NLRP14: variants seen among roughly 807,000 people sequenced by gnomAD.
The protein encoded by NLRP14 is NLR family pyrin domain containing 14, also known as NACHT, LRR and PYD domains-containing protein 14.
In NLRP14, 105 loss-of-function variants were observed where a neutral mutation model predicts 94.7. The ratio of observed to expected loss-of-function variants is 1.11; its 90% CI spans 0.95 to 1.30. The LOEUF (loss-of-function observed/expected upper bound fraction) is 1.30. Ranked by LOEUF, NLRP14 falls within the 50% of genes most tolerant of loss-of-function variation. NLRP14 has a pLI of 0.00. For missense variants in NLRP14, 1,362 were observed against 1,254.1 expected (o/e 1.09, Z -1.30); for synonymous variants, 508 against 459.9 (o/e 1.10, Z -1.34).
chr11:7,070,286 G>T lies in NLRP14; in HGVS notation c.2976G>T (p.Gly992=). The change falls in exon 11 of 12, where the codon GGG becomes GGT. Residue 992 remains glycine, a splice_region_variant and synonymous_variant. Transcript: ENST00000299481. Reference sequence around the variant, plus strand: ...TATCTTTTGTCTCTCTTCTCTACAGGTTGGAATACTGTGGTTTGACATCTC... The same window carrying T: ...TATCTTTTGTCTCTCTTCTCTACAGTTTGGAATACTGTGGTTTGACATCTC... ...RYPNCNIQRL[G]LEYCGLTSLC... 1 of 1,606,174 alleles carries T rather than the reference G, an allele frequency of 6.2e-7. No individual in the cohort carries two copies. The highest frequency in any genetic ancestry group is 8.5e-7 in the Non-Finnish European group (1 of 1,173,408).
At chr11:7,074,889 T>A (rs149224574), downstream of NLRP14, among the ~76,000 whole-genome samples, 12 of 152,274 alleles carry the variant, frequency 7.9e-5, no homozygotes, top group East Asian at 2.3e-3. Flanking sequence ...GCCCAGTAAA[T>A]CTACATTTTA....
chr11:7,068,566 G>A (rs1211327821), intron 10 of NLRP14, among the ~76,000 whole-genome samples: 1 of 152,150 alleles, frequency 6.6e-6, no homozygotes, highest in Non-Finnish European at 1.5e-5. Context: ...AGAACATACT[G>A]TGCATGAGTA....
At chr11:7,067,675 T>C (rs1167605630) in intron 10 of NLRP14, among the ~76,000 whole-genome samples, 1 of 152,200 alleles carries the variant, frequency 6.6e-6, no homozygotes, top group Non-Finnish European at 1.5e-5. Context: ...TGGACATATC[T>C]CCTGTGTACA....
At chr11:7,033,053 A>G (rs77221529) in intron 1 of NLRP14, among the ~76,000 whole-genome samples, 2 of 152,118 alleles carry the variant, frequency 1.3e-5, no homozygotes, top group Non-Finnish European at 2.9e-5. Flanking sequence ...TTCTTCCACT[A>G]GTTATGAGAT....
intron 6 of NLRP14, among the ~76,000 whole-genome samples, chr11:7,053,777 G>A (rs895161758): frequency 9.2e-5 from 14 of 151,942 alleles, no homozygotes; most frequent in Admixed American, 3.3e-4. Context: ...ATCACCTCAC[G>A]CATTTATTTA....
chr11:7,049,173 A>C (rs1852403472), intron 5 of NLRP14, among the ~76,000 whole-genome samples: 1 of 152,152 alleles, frequency 6.6e-6, no homozygotes. Flanking sequence ...GTAGGAAAAA[A>C]ATTGGCAGAT....
At chr11:7,080,143 C>T in the NLRP14 span, among the ~76,000 whole-genome samples, 1 of 152,164 alleles carries the variant, frequency 6.6e-6, no homozygotes, top group Non-Finnish European at 1.5e-5. Flanking sequence ...TATTTAACAA[C>T]TTGGCAACTG....
the NLRP14 span, among the ~76,000 whole-genome samples, chr11:7,081,378 A>G: frequency 6.6e-6 from 1 of 152,148 alleles, no homozygotes; most frequent in Non-Finnish European, 1.5e-5. Flanking sequence ...TGACTGCAAG[A>G]TAGTATCACC....
In NLRP14 at chr11:7,043,001, A is replaced by G. The variant is rs773877418; in HGVS notation, c.975A>G (p.Val325=). 2 of 1,614,194 alleles carry G rather than the reference A, an allele frequency of 1.2e-6. No individual in the cohort carries two copies. The highest frequency in any genetic ancestry group is 1.7e-6 in the Non-Finnish European group (2 of 1,180,012). The change falls in exon 4 of 12, where the codon GTA becomes GTG. Residue 325 remains valine, a synonymous_variant. Transcript: ENST00000299481. ...AGTTGTTGAAGAATCACCATTATGT[A>G]GAGCTACTAGGAATGTCTGAGGATG... is the stretch of plus-strand genomic sequence containing the variant. ...LKQLLKNHHY[V]ELLGMSEDAR...
Position 7,071,172 on chromosome 11 carries a change from G to T in NLRP14, c.3147-1G>T. ...AAAGAGATGTTCCCTTGTTTTCTCA[G>T]GTTGTGCAAAGAGGCATTTGATGAG... On this transcript the variant is annotated splice_acceptor_variant, in intron 11 of 11. Transcript: ENST00000299481. LOFTEE classifies it high-confidence loss of function. 1 of 1,613,976 alleles carries T rather than the reference G, an allele frequency of 6.2e-7. No individual in the cohort carries two copies. The highest frequency in any genetic ancestry group is 8.5e-7 in the Non-Finnish European group (1 of 1,179,978).
rs200574634 is a variant in NLRP14 at position 7,043,329 on chromosome 11, A to T, written c.1303A>T (p.Ile435Leu). The change falls in exon 4 of 12, where the codon ATA (isoleucine) becomes TTA (leucine). Residue 435 changes from isoleucine (I) to leucine (L), a missense_variant. Physicochemically the swap from Ile to Leu is conservative, Grantham distance 5 (BLOSUM62 2). Coordinates refer to ENST00000299481, the MANE Select transcript of NLRP14 (RefSeq NM_176822.4). ...RRLCQVAAKG[I>L]WTMTYVFYRE... is the part of the protein sequence containing the mutation. ...ACTGTGCCAAGTCGCTGCCAAAGGA[A>T]TATGGACTATGACTTACGTGTTTTA... 128 of 1,614,184 alleles carry T rather than the reference A, an allele frequency of 7.9e-5. 1 individual carries two copies. The highest frequency in any genetic ancestry group is 3.3e-4 in the Middle Eastern group (2 of 6,062).
intron 1 of NLRP14, among the ~76,000 whole-genome samples, chr11:7,027,572 A>G (rs980410938): frequency 2.6e-5 from 4 of 152,166 alleles, no homozygotes; most frequent in African/African-American, 9.6e-5. Context: ...TTGGGAGGAC[A>G]CATGTAGTCT....
At chr11:7,059,447 C>CTT (rs1852576655) in intron 8 of NLRP14, among the ~76,000 whole-genome samples, 1 of 151,738 alleles carries the variant, frequency 6.6e-6, no homozygotes, top group Non-Finnish European at 1.5e-5. Context: ...TGTTATAAGG[C>CTT]TTAAACTTAT....
downstream of NLRP14, among the ~76,000 whole-genome samples, chr11:7,074,250 T>C (rs1482013269): frequency 6.6e-6 from 1 of 152,204 alleles, no homozygotes; most frequent in Non-Finnish European, 1.5e-5. Flanking sequence ...CAAGTAATGT[T>C]ACTGGTGCTG....
At chr11:7,056,515 C>CAAAAA (rs60703550) in intron 6 of NLRP14, among the ~76,000 whole-genome samples, 4 of 122,856 alleles carry the variant, frequency 3.3e-5, no homozygotes, top group East Asian at 2.4e-4. Flanking sequence ...AGCACTAATA[C>CAAAAA]AAAAAAAAAA....
the NLRP14 span, chr11:7,089,860 G>C: frequency 1.9e-6 from 3 of 1,612,436 alleles, no homozygotes; most frequent in East Asian, 2.2e-5. Flanking sequence ...GGCCACTCCA[G>C]TGTCCGGGAC....
intron 1 of NLRP14, among the ~76,000 whole-genome samples, chr11:7,027,056 T>A (rs1011470886): frequency 6.6e-6 from 1 of 152,022 alleles, no homozygotes; most frequent in African/African-American, 2.4e-5. Context: ...AGTGCCCCTT[T>A]TTAGCTAGAA....
downstream of NLRP14, among the ~76,000 whole-genome samples, chr11:7,075,808 G>T (rs1322192907): frequency 6.6e-6 from 1 of 152,130 alleles, no homozygotes; most frequent in East Asian, 1.9e-4. Context: ...AGACCTCCTT[G>T]ATGGCACCCA....
intron 10 of NLRP14, among the ~76,000 whole-genome samples, chr11:7,064,072 A>G (rs1272076113): frequency 6.6e-6 from 1 of 152,168 alleles, no homozygotes; most frequent in African/African-American, 2.4e-5. Context: ...TTGGTTAGCC[A>G]TTGCACTAGT....
Sources: gnomAD v4.1 joint callset for allele counts (sites outside exome capture counted in the v4.1 genomes callset) on GRCh38, gnomAD v4.1.1 for gene constraint, MANE v1.5 for transcripts, NCBI Gene and HGNC (gene_info 2026-07-23, HGNC 2026-07-21) for gene names.